FARP1: variants seen among roughly 807,000 people sequenced by gnomAD.
The protein encoded by FARP1 is FERM, ARH/RhoGEF and pleckstrin domain protein 1, also known as FERM, ARHGEF and pleckstrin domain-containing protein 1.
FARP1 carries 52 observed loss-of-function variants against 128.8 expected under a neutral mutation model. The observed-to-expected ratio is 0.40, with a 90% CI of 0.32 to 0.51. FARP1 has a LOEUF of 0.51. Ranked by LOEUF, FARP1 falls within the 20% of genes least tolerant of loss-of-function variation. FARP1 has a pLI of 0.45. For synonymous variants in FARP1, 580 were observed against 551.8 expected, an observed-to-expected ratio of 1.05 and a Z score of -0.72; for missense variants, 1,333 against 1,367.9, an observed-to-expected ratio of 0.97 and a Z score of 0.40.
chr13:98,222,679 T>A (rs1187408317), intron 2 of FARP1, among the ~76,000 whole-genome samples: 1 of 151,440 alleles, frequency 6.6e-6, no homozygotes, highest in East Asian at 1.9e-4. Context: ...TGGAGTGCAG[T>A]GGAATGATCT....
rs750565094 is a variant in FARP1, at chr13:98,384,789, A to G, written c.556A>G (p.Ile186Val). The change falls in exon 7 of 27, where the codon ATA becomes GTA. Residue 186 changes from isoleucine (I) to valine (V), a missense_variant. Ile to Val is a conservative substitution (Grantham distance 29, BLOSUM62 3). Around this residue, in one of 2 missense-constraint regions of FARP1, gnomAD observed 324 missense variants for 398.1 expected, o/e 0.81. Transcript: ENST00000319562. ...AGAGCACTTAGCAAAAAATAAATAC[A>G]TACCTCAGCAAGACGCACTAGAGGA... ...DREHLAKNKYIPQQDALEDKI... is the reference protein window; with the variant it reads ...DREHLAKNKYVPQQDALEDKI... The G allele has an allele frequency of 6.2e-7, 1 of 1,613,906 alleles. No homozygotes were observed. Among genetic ancestry groups the G allele is most frequent in the South Asian group, 1.1e-5 (1 of 91,072 alleles).
intron 16 of FARP1, among the ~76,000 whole-genome samples, chr13:98,418,256 G>GTTTGT (rs141985701): frequency 2.7e-5 from 4 of 150,688 alleles, no homozygotes; most frequent in Middle Eastern, 3.2e-3. Flanking sequence ...ATGTTTATTT[G>GTTTGT]TTTGTTTTGT....
chr13:98,223,707 A>C (rs1182424304), intron 2 of FARP1, among the ~76,000 whole-genome samples: 1 of 152,218 alleles, frequency 6.6e-6, no homozygotes, highest in Non-Finnish European at 1.5e-5. Flanking sequence ...TGATTATGTA[A>C]ATGGTACAAA....
intron 17 of FARP1, among the ~76,000 whole-genome samples, chr13:98,427,380 C>G (rs1891828417): frequency 6.6e-6 from 1 of 152,204 alleles, no homozygotes; most frequent in African/African-American, 2.4e-5. Context: ...TCCCTCGTTT[C>G]ACATGCTCTG....
chr13:98,351,795 C>T (rs752301934), intron 3 of FARP1, among the ~76,000 whole-genome samples: 1 of 151,870 alleles, frequency 6.6e-6, no homozygotes. Flanking sequence ...ACACAAACAG[C>T]CGGATCGCCC....
intron 1 of FARP1, among the ~76,000 whole-genome samples, chr13:98,200,763 C>T (rs1879888451): frequency 6.6e-6 from 1 of 152,166 alleles, no homozygotes; most frequent in South Asian, 2.1e-4. Flanking sequence ...AACAACACCC[C>T]AGGGAAGATG....
chr13:98,444,117 G>A (rs1160114541), intron 24 of FARP1, among the ~76,000 whole-genome samples: 1 of 150,634 alleles, frequency 6.6e-6, no homozygotes, highest in Non-Finnish European at 1.5e-5. Context: ...TTCTCGGGGG[G>A]TCCCCGACTC....
intron 1 of FARP1, among the ~76,000 whole-genome samples, chr13:98,163,991 G>A (rs1414674125): frequency 2.6e-5 from 4 of 152,216 alleles, no homozygotes; most frequent in African/African-American, 9.6e-5. Context: ...TTACAGGCAT[G>A]AGCCACTGCA....
intron 18 of FARP1, chr13:98,431,829 T>C (rs1892042680): frequency 6.6e-6 from 1 of 152,282 alleles, no homozygotes; most frequent in Non-Finnish European, 1.5e-5. Flanking sequence ...GCCTCTTGCA[T>C]GCATTTTCTC....
intron 2 of FARP1, among the ~76,000 whole-genome samples, chr13:98,229,435 T>C (rs768721150): frequency 6.6e-6 from 1 of 152,160 alleles, no homozygotes; most frequent in Non-Finnish European, 1.5e-5. Flanking sequence ...TGAGTAACAA[T>C]GTAAAATATT....
intron 1 of FARP1, among the ~76,000 whole-genome samples, chr13:98,156,248 G>C (rs1392077047): frequency 2.0e-5 from 3 of 152,010 alleles, no homozygotes; most frequent in South Asian, 4.1e-4. Flanking sequence ...CATACTCTCT[G>C]GCAATTTATA....
chr13:98,390,648 A>C (rs1890271783), intron 10 of FARP1, 164 bp from the exon 11 acceptor site: 3 of 568,830 alleles, frequency 5.3e-6, no homozygotes, highest in Non-Finnish European at 9.5e-6. Context: ...TGGACCCAAA[A>C]ATACAGAGTC....
At chr13:98,175,419 C>CT (rs1256048554) in intron 1 of FARP1, among the ~76,000 whole-genome samples, 1 of 151,934 alleles carries the variant, frequency 6.6e-6, no homozygotes, top group East Asian at 1.9e-4. Flanking sequence ...AACTGATATC[C>CT]TTTATTTGCT....
At position 98,451,723 on chromosome 13, in the gene FARP1, C is replaced by G. The variant is rs1265456335; in HGVS notation, c.*3406C>G. Reference sequence around the variant, plus strand: ...ACCCACGGGAGATGTCAATCATCAGCTTCAACAAACATAAAAGAATGCTTC... The same window carrying G: ...ACCCACGGGAGATGTCAATCATCAGGTTCAACAAACATAAAAGAATGCTTC... On this transcript the variant is annotated 3_prime_UTR_variant, in exon 27 of 27. Coordinates refer to ENST00000319562, the MANE Select transcript of FARP1 (RefSeq NM_005766.4). 2.0e-5 allele frequency: 3 copies of G among 152,196 alleles called. No homozygotes were observed. Among genetic ancestry groups the G allele is most frequent in the Non-Finnish European group, 1.5e-5 (1 of 68,030 alleles). 9.4% of individuals were successfully genotyped at this position (152,196 alleles called of 1,614,324 possible).
At chr13:98,235,771 A>T (rs1171140273) in intron 2 of FARP1, among the ~76,000 whole-genome samples, 1 of 150,514 alleles carries the variant, frequency 6.6e-6, no homozygotes, top group Non-Finnish European at 1.5e-5. Context: ...GGCTCATTTT[A>T]TACACTGGTT....
At chr13:98,268,192 A>T (rs576542644) in intron 2 of FARP1, among the ~76,000 whole-genome samples, 1 of 152,300 alleles carries the variant, frequency 6.6e-6, no homozygotes, top group South Asian at 2.1e-4. Context: ...AATTTTATTG[A>T]CTAAAGTCCT....
Position 98,374,739 on chromosome 13 carries a change from T to C in FARP1, c.399-3082T>C, listed in dbSNP as rs1055468092. 4.6e-5 allele frequency among the ~76,000 whole-genome samples: 7 copies of C among 152,310 alleles called. 1 individual carries two copies. Among genetic ancestry groups the C allele is most frequent in the Admixed American group, 6.5e-5 (1 of 15,306 alleles). ...CAGGGTAATTTATAAAGAAAAAAGG[T>C]TTATTTTGCTCATGATTCTGGATGG... On this transcript the variant is annotated intron_variant, in intron 5 of 26. Coordinates refer to ENST00000319562, the MANE Select transcript of FARP1 (RefSeq NM_005766.4).
chr13:98,372,442 T>C (rs757750487), intron 5 of FARP1, among the ~76,000 whole-genome samples: 8 of 152,120 alleles, frequency 5.3e-5, no homozygotes, highest in South Asian at 4.1e-4. Context: ...GTGCCATGTT[T>C]AGCCACCCTT....
intron 2 of FARP1, among the ~76,000 whole-genome samples, chr13:98,341,264 CT>C (rs1343850548): frequency 6.6e-6 from 1 of 152,130 alleles, no homozygotes; most frequent in Non-Finnish European, 1.5e-5. Flanking sequence ...TTGACTCCTG[CT>C]GTCACTCAGT....
Sources: gnomAD v4.1 joint callset for allele counts (sites outside exome capture counted in the v4.1 genomes callset) on GRCh38, gnomAD v4.1.1 for gene constraint, gnomAD v4.1.1 regional missense constraint, MANE v1.5 for transcripts, NCBI Gene and HGNC (gene_info 2026-07-23, HGNC 2026-07-21) for gene names.